NSD3: variants seen among roughly 807,000 people sequenced by gnomAD.
NSD3 encodes the protein nuclear receptor binding SET domain protein 3, also known as histone-lysine N-methyltransferase NSD3.
NSD3 carries 24 observed loss-of-function variants against 160.8 expected under a neutral mutation model. The ratio of observed to expected loss-of-function variants is 0.15; its 90% CI spans 0.11 to 0.21. NSD3 has a LOEUF of 0.21. Ranked by LOEUF, NSD3 falls within the 10% of genes least tolerant of loss-of-function variation. NSD3 has a pLI of 1.00. For synonymous variants in NSD3, 520 were observed against 600.0 expected (o/e 0.87, Z 1.95); for missense variants, 1,157 against 1,735.9 (o/e 0.67, Z 5.93).
At chr8:38,337,682 G>A (rs1810256515) in intron 3 of NSD3, 2 of 333,282 alleles carry the variant, frequency 6.0e-6, no homozygotes. Context: ...CTTTGATACA[G>A]GAAAGGGTCA....
At chr8:38,367,467 T>C (rs1329681395) in intron 1 of NSD3, among the ~76,000 whole-genome samples, 1 of 152,184 alleles carries the variant, frequency 6.6e-6, no homozygotes, top group African/African-American at 2.4e-5. Context: ...ATCCCAGCAC[T>C]TTGGGAGGCC....
At chr8:38,362,343 T>C (rs927889388) in intron 1 of NSD3, among the ~76,000 whole-genome samples, 5 of 133,524 alleles carry the variant, frequency 3.7e-5, no homozygotes, top group Admixed American at 2.8e-4. Flanking sequence ...TATTGAAATA[T>C]CACAGGCTGT....
At chr8:38,306,939 C>A (rs1184075389) in intron 12 of NSD3, among the ~76,000 whole-genome samples, 1 of 151,422 alleles carries the variant, frequency 6.6e-6, no homozygotes, top group African/African-American at 2.4e-5. Flanking sequence ...AAGGTGAAAC[C>A]CCGTCTCTAC....
intron 22 of NSD3, 81 bp downstream of exon 22, chr8:38,278,225 A>C: frequency 7.8e-7 from 1 of 1,288,368 alleles, no homozygotes; most frequent in Non-Finnish European, 1.1e-6. Context: ...GGCATGAGCC[A>C]CCGCGCCCGG....
chr8:38,346,349 T>A (rs1206983801), intron 2 of NSD3, among the ~76,000 whole-genome samples: 1 of 147,780 alleles, frequency 6.8e-6, no homozygotes, highest in Non-Finnish European at 1.5e-5. Context: ...GTATATAGTA[T>A]ATATAGTATA....
chr8:38,339,153 A>C (rs867868478), intron 2 of NSD3, among the ~76,000 whole-genome samples: 130 of 143,166 alleles, frequency 9.1e-4, no homozygotes, highest in South Asian at 2.9e-3. Flanking sequence ...AAAAAAAAAC[A>C]AAAAAAAAAC....
rs1223807912 is a variant in NSD3 at position 38,318,735 on chromosome 8, A to G, written c.1855+160T>C. ...GGAGGTACAGAATAAGATCAACTCTAAAAGTCACACACACACACGAACACT... is the reference window on the plus strand; with the variant it reads ...GGAGGTACAGAATAAGATCAACTCTGAAAGTCACACACACACACGAACACT... On this transcript the variant is annotated intron_variant, in intron 9 of 23. Coordinates refer to ENST00000317025, the MANE Select transcript of NSD3 (RefSeq NM_023034.2). This position sits in a 1 kb window ranked among gnomAD's most constrained non-coding sequence, Gnocchi z 5.3. 6.6e-6 allele frequency among the ~76,000 whole-genome samples: 1 copy of G among 152,032 alleles called. No homozygotes were observed. The highest frequency in any genetic ancestry group is 1.9e-4 in the East Asian group (1 of 5,200).
Position 38,321,114 on chromosome 8 carries a change from T to C in NSD3, c.1767A>G (p.Lys589=), listed in dbSNP as rs774441133. Residue 589 remains lysine (K), a synonymous_variant, in exon 8 of 24, where the codon AAA becomes AAG. Coordinates refer to ENST00000317025, the MANE Select transcript of NSD3 (RefSeq NM_023034.2). This position sits in a 1 kb window ranked among gnomAD's most constrained non-coding sequence, Gnocchi z 4.7. ...TCTTCTTTGGCACAACCTCAGTGGATTTCTCTGATTCAGAACGAGTTCTAA... is the reference window on the plus strand; with the variant it reads ...TCTTCTTTGGCACAACCTCAGTGGACTTCTCTGATTCAGAACGAGTTCTAA... ...RSIRTRSESE[K]STEVVPKKKI... 112 of 1,613,448 alleles carry C rather than the reference T, an allele frequency of 6.9e-5. No individual in the cohort carries two copies. Among genetic ancestry groups the C allele is most frequent in the Non-Finnish European group, 9.2e-5 (108 of 1,179,918 alleles).
Position 38,317,537 on chromosome 8 carries a change from GT to G in NSD3, c.1855+1357del. The G allele has an allele frequency of 9.4e-7, 1 of 1,065,348 alleles. No homozygotes were observed. Among genetic ancestry groups the G allele is most frequent in the Non-Finnish European group, 1.1e-6 (1 of 879,186 alleles). The allele number at this position is 1,065,348 out of a possible 1,614,324, so 66.0% of individuals were successfully genotyped here. ...GACTGCCAAAGACAGCTGTCATGCT[GT>G]TCTCCATGATAACGGCACTAATATT... On this transcript the variant is annotated intron_variant, in intron 9 of 23. Coordinates refer to ENST00000317025, the MANE Select transcript of NSD3 (RefSeq NM_023034.2). This position sits in a 1 kb window ranked among gnomAD's most constrained non-coding sequence, Gnocchi z 5.3.
At position 38,317,535 on chromosome 8, in the gene NSD3, C is replaced by CTGTT; in HGVS notation, c.1855+1356_1855+1359dup. 9.4e-7 allele frequency: 1 copy of CTGTT among 1,063,710 alleles called. No homozygotes were observed. The allele number at this position is 1,063,710 out of a possible 1,614,324, so 65.9% of individuals were successfully genotyped here. ...CAGACTGCCAAAGACAGCTGTCATG[C>CTGTT]TGTTCTCCATGATAACGGCACTAAT... On this transcript the variant is annotated intron_variant, in intron 9 of 23. Transcript: ENST00000317025. The surrounding 1 kb of genome is among the most constrained non-coding windows in gnomAD (Gnocchi z 5.3).
At chr8:38,379,203 G>A (rs1208683941) in intron 1 of NSD3, among the ~76,000 whole-genome samples, 4 of 151,980 alleles carry the variant, frequency 2.6e-5, no homozygotes, top group Admixed American at 2.0e-4. Context: ...CTTCGTATAT[G>A]AATACCTGTC....
chr8:38,338,526 A>G lies in NSD3; in HGVS notation c.747+10T>C, dbSNP rs1810279907. ...TATTTGGTTAGACAGTATTCAGTAA[A>G]ACAACTTACTGGGGCTTCCTCTTTT... On this transcript the variant is annotated intron_variant, in intron 3 of 23. Coordinates refer to ENST00000317025, the MANE Select transcript of NSD3 (RefSeq NM_023034.2). 1 of 1,610,962 alleles carries G rather than the reference A, an allele frequency of 6.2e-7. No homozygotes were observed. The highest frequency in any genetic ancestry group is 8.5e-7 in the Non-Finnish European group (1 of 1,177,310).
At chr8:38,357,991 G>T (rs74605931) in intron 1 of NSD3, among the ~76,000 whole-genome samples, 1 of 152,014 alleles carries the variant, frequency 6.6e-6, no homozygotes, top group African/African-American at 2.4e-5. Flanking sequence ...AAGGTTTAAA[G>T]TTCCAAGAGA....
intron 15 of NSD3, among the ~76,000 whole-genome samples, chr8:38,297,909 G>GA (rs1172000974): frequency 1.3e-5 from 2 of 152,070 alleles, no homozygotes; most frequent in South Asian, 4.1e-4. Flanking sequence ...TACTGACCTA[G>GA]AAAAGTCAGG....
intron 1 of NSD3, among the ~76,000 whole-genome samples, chr8:38,372,403 T>C (rs566094575): frequency 6.6e-6 from 1 of 152,258 alleles, no homozygotes; most frequent in South Asian, 2.1e-4. Context: ...TTAAAAATAT[T>C]GTTCAGAGAC....
In NSD3 at chr8:38,305,375, C is replaced by T. The variant is rs768901937; in HGVS notation, c.2313G>A (p.Gly771=). Reference sequence around the variant, plus strand: ...GGACACAGGCTTCATGATAAAATTTCCCACAAGCACCAACAGAACAACGCT... The same window carrying T: ...GGACACAGGCTTCATGATAAAATTTTCCACAAGCACCAACAGAACAACGCT... The part of the protein sequence containing the change: ...DVKRCSVGAC[G]KFYHEACVRK... Residue 771 remains glycine, a synonymous_variant, in exon 13 of 24, where the codon GGG becomes GGA. Coordinates refer to ENST00000317025, the MANE Select transcript of NSD3 (RefSeq NM_023034.2). 43 of 1,614,128 alleles carry T rather than the reference C, an allele frequency of 2.7e-5. No individual in the cohort carries two copies. The highest frequency in any genetic ancestry group is 3.1e-5 in the Non-Finnish European group (37 of 1,180,018).
Position 38,299,428 on chromosome 8 carries a change from C to G in NSD3, c.2758+16G>C. 6.2e-7 allele frequency: 1 copy of G among 1,601,672 alleles called. No homozygotes were observed. Among genetic ancestry groups the G allele is most frequent in the Non-Finnish European group, 8.5e-7 (1 of 1,175,314 alleles). On this transcript the variant is annotated intron_variant, in intron 15 of 23. Coordinates refer to ENST00000317025, the MANE Select transcript of NSD3 (RefSeq NM_023034.2). The stretch of plus-strand genomic sequence containing the variant: ...AATGCAAAAATAAAAGCAAGAGAAA[C>G]TATTTTGATTATTACCTTTCTCACA...
chr8:38,356,667 T>C (rs1287100670), intron 1 of NSD3, among the ~76,000 whole-genome samples: 1 of 152,246 alleles, frequency 6.6e-6, no homozygotes, highest in East Asian at 1.9e-4. Context: ...ATTTATAGTT[T>C]AAGTCACTAT....
At chr8:38,354,688 A>G (rs1585917637) in intron 1 of NSD3, among the ~76,000 whole-genome samples, 1 of 152,206 alleles carries the variant, frequency 6.6e-6, no homozygotes, top group Non-Finnish European at 1.5e-5. Context: ...ATATTCTTTT[A>G]ACTTTTCTAA....
Sources: gnomAD v4.1 joint callset for allele counts (sites outside exome capture counted in the v4.1 genomes callset) on GRCh38, gnomAD v4.1.1 for gene constraint, Gnocchi (gnomAD v3.1) non-coding constraint, MANE v1.5 for transcripts, NCBI Gene and HGNC (gene_info 2026-07-23, HGNC 2026-07-21) for gene names.